CABYR: variants seen among roughly 807,000 people sequenced by gnomAD.
CABYR encodes the protein calcium-binding tyrosine phosphorylation-regulated protein.
CABYR carries 31 observed loss-of-function variants against 36.1 expected under a neutral mutation model. That is an observed-to-expected ratio of 0.86 (90% confidence interval 0.64 to 1.16). The LOEUF (loss-of-function observed/expected upper bound fraction) is 1.16. CABYR is among the 50% of genes most tolerant of loss of function. CABYR has a pLI of 0.00. For synonymous variants in CABYR, 146 were observed against 160.7 expected, an observed-to-expected ratio of 0.91 and a Z score of 0.69; for missense variants, 429 against 455.8, an observed-to-expected ratio of 0.94 and a Z score of 0.53.
chr18:24,159,418 T>C lies in CABYR; in HGVS notation c.542-54T>C, dbSNP rs184498760. 603 of 1,189,486 alleles carry C rather than the reference T, an allele frequency of 5.1e-4. 1 individual carries two copies. The African/African-American group carries it at 8.7e-3, about 17-fold the overall frequency. The allele number at this position is 1,189,486 out of a possible 1,614,324, so 73.7% of individuals were successfully genotyped here. A position where few individuals can be genotyped will look rare whatever the true frequency, so the allele number is the denominator to read the frequency against. On this transcript the variant is annotated intron_variant, in intron 4 of 5. Coordinates refer to ENST00000399496, the MANE Select transcript of CABYR (RefSeq NM_153769.3). Reference sequence around the variant, plus strand: ...AGACTTACAAAGACATTACTATGCATAGTGCCTGATACAGAGACCAAAACT... The same window carrying C: ...AGACTTACAAAGACATTACTATGCACAGTGCCTGATACAGAGACCAAAACT...
intron 3 of CABYR, among the ~76,000 whole-genome samples, chr18:24,154,748 AGGTGTGT>A (rs2085730400): frequency 6.6e-6 from 1 of 152,248 alleles, no homozygotes; most frequent in Non-Finnish European, 1.5e-5. Flanking sequence ...TAAGGTAGTT[AGGTGTGT>A]GGGTGATGCA....
chr18:24,155,931 C>G lies in CABYR; in HGVS notation c.430C>G (p.Pro144Ala). Residue 144 changes from proline (P) to alanine (A), a missense_variant, in exon 4 of 6, where the codon CCA (proline) becomes GCA (alanine). Coordinates refer to ENST00000399496, the MANE Select transcript of CABYR (RefSeq NM_153769.3). ...AGCAGTTGGTGGTCTTTCTTCCAAA[C>G]CAGCCACCCCTAAGACTACTACCCC... ...TEAVGGLSSK[P>A]ATPKTTTPPS... 3 of 1,614,162 alleles carry G rather than the reference C, an allele frequency of 1.9e-6. No homozygotes were observed. Among genetic ancestry groups the G allele is most frequent in the Non-Finnish European group, 2.5e-6 (3 of 1,180,034 alleles).
intron 1 of CABYR, chr18:24,139,863 A>G (rs2085259832): frequency 6.6e-6 from 1 of 151,918 alleles, no homozygotes; most frequent in African/African-American, 2.4e-5. Context: ...TGGTAGCACC[A>G]ACTGCTAACT....
chr18:24,147,272 A>AAAAAAAAAAAAAAAAAAAG (rs1555781278), intron 3 of CABYR, among the ~76,000 whole-genome samples: 1 of 137,460 alleles, frequency 7.3e-6, no homozygotes, highest in African/African-American at 2.7e-5. Flanking sequence ...AAAAAAAAAA[A>AAAAAAAAAAAAAAAAAAAG]GCCTATAGGC....
At chr18:24,146,490 A>T (rs1415220859) in intron 3 of CABYR, among the ~76,000 whole-genome samples, 2 of 152,146 alleles carry the variant, frequency 1.3e-5, no homozygotes, top group East Asian at 3.9e-4. Flanking sequence ...CAGAGGTTTC[A>T]GTGACCCAAG....
chr18:24,139,258 C>A (rs1047758892), intron 1 of CABYR, 140 bp downstream of exon 1: 7 of 151,944 alleles, frequency 4.6e-5, no homozygotes, highest in Admixed American at 4.6e-4. Context: ...GGGGCGGCCC[C>A]GGCCCACACC....
intron 3 of CABYR, among the ~76,000 whole-genome samples, chr18:24,154,150 C>T (rs1190769293): frequency 6.7e-6 from 1 of 149,244 alleles, no homozygotes; most frequent in Non-Finnish European, 1.5e-5. Context: ...CTCAGAACTC[C>T]AAGATCTTTA....
At chr18:24,152,361 A>G (rs572868469) in intron 3 of CABYR, among the ~76,000 whole-genome samples, 32 of 152,330 alleles carry the variant, frequency 2.1e-4, no homozygotes, top group Non-Finnish European at 4.4e-4. Flanking sequence ...GCAAGTGAGG[A>G]GGCCTGAAGC....
Position 24,155,687 on chromosome 18 carries a change from T to C in CABYR, c.200-14T>C, listed in dbSNP as rs2085761988. 6.5e-7 allele frequency: 1 copy of C among 1,540,264 alleles called. No individual in the cohort carries two copies. Among genetic ancestry groups the C allele is most frequent in the African/African-American group, 1.4e-5 (1 of 72,180 alleles). ...TTTAGATGTTAATTAACCCATCTGG[T>C]TGTTGTTTTTCAGTAGAGAAATGGT... On this transcript the variant is annotated splice_polypyrimidine_tract_variant and intron_variant, in intron 3 of 5. Coordinates refer to ENST00000399496, the MANE Select transcript of CABYR (RefSeq NM_153769.3).
At chr18:24,157,144 T>C (rs2085812021) in intron 4 of CABYR, 1 of 643,568 alleles carries the variant, frequency 1.6e-6, no homozygotes, top group Non-Finnish European at 2.7e-6. Context: ...TTAAAGACTT[T>C]GTTGTATTTG....
intron 3 of CABYR, among the ~76,000 whole-genome samples, chr18:24,145,437 T>C (rs988586376): frequency 6.6e-6 from 1 of 152,194 alleles, no homozygotes; most frequent in Admixed American, 6.5e-5. Context: ...TTTCAAATTC[T>C]TGTGCAGGGA....
chr18:24,150,913 G>C lies in CABYR; in HGVS notation c.200-4788G>C, dbSNP rs8085801. On this transcript the variant is annotated intron_variant, in intron 3 of 5. Transcript: ENST00000399496. ...TCCTGCCTCAGCCTCCCGAATAGCTGGGACTACAGGCGCCCGCCACCACGC... is the reference window on the plus strand; with the variant it reads ...TCCTGCCTCAGCCTCCCGAATAGCTCGGACTACAGGCGCCCGCCACCACGC... Among the ~76,000 whole-genome samples the C allele has an allele frequency of 3.2e-3, 490 of 151,920 alleles. 2 individuals are homozygous for C. Among genetic ancestry groups the C allele is most frequent in the African/African-American group, 0.012 (480 of 41,442 alleles).
intron 1 of CABYR, among the ~76,000 whole-genome samples, chr18:24,141,481 A>C (rs1042283016): frequency 6.6e-6 from 1 of 152,058 alleles, no homozygotes; most frequent in African/African-American, 2.4e-5. Flanking sequence ...CATACAACTG[A>C]TGTGTTTTTC....
chr18:24,155,072 T>C (rs183522333), intron 3 of CABYR, among the ~76,000 whole-genome samples: 2 of 152,350 alleles, frequency 1.3e-5, no homozygotes, highest in Admixed American at 6.5e-5. Context: ...TTTTCTTAAA[T>C]GGAGGAATGC....
intron 1 of CABYR, chr18:24,139,953 G>A (rs540193418): frequency 5.5e-5 from 8 of 145,410 alleles, no homozygotes; most frequent in Admixed American, 4.8e-4. Context: ...TTTTTGAGAC[G>A]GACTCTAGCT....
At chr18:24,149,247 T>G (rs1370042730) in intron 3 of CABYR, among the ~76,000 whole-genome samples, 1 of 150,558 alleles carries the variant, frequency 6.6e-6, no homozygotes, top group African/African-American at 2.5e-5. Flanking sequence ...AGATACAGAG[T>G]GCCGATTGGT....
chr18:24,156,542 A>T, intron 4 of CABYR: 1 of 1,614,232 alleles, frequency 6.2e-7, no homozygotes, highest in Non-Finnish European at 8.5e-7. Flanking sequence ...CCAAATCTGT[A>T]GTAGAAAAGA....
rs11320479 is a variant in CABYR at position 24,143,022 on chromosome 18, CAAA to C, written c.-24-51_-24-49del. Reference sequence around the variant, plus strand: ...CACTCCAGCCTGGGTGACAGAGTCTCAAAAAAAAAAAAAAAAAAAACCTATTTT... The same window carrying C: ...CACTCCAGCCTGGGTGACAGAGTCTCAAAAAAAAAAAAAAAAACCTATTTT... On this transcript the variant is annotated intron_variant, in intron 1 of 5. Coordinates refer to ENST00000399496, the MANE Select transcript of CABYR (RefSeq NM_153769.3). The C allele has an allele frequency of 7.6e-3, 5,242 of 693,670 alleles. 4 individuals carry two copies. The highest frequency in any genetic ancestry group is 0.023 in the African/African-American group (898 of 38,742). 43.0% of individuals were successfully genotyped at this position (693,670 alleles called of 1,614,324 possible). A position where few individuals can be genotyped will look rare whatever the true frequency, so the allele number is the denominator to read the frequency against.
At position 24,156,015 on chromosome 18, in the gene CABYR, C is replaced by G. The variant is rs1381618528; in HGVS notation, c.514C>G (p.Pro172Ala). ...SPEFAYVPAD[P>A]AQLAAQMLAM... ...AGAGTTTGCCTACGTCCCAGCTGAC[C>G]CAGCTCAGCTTGCTGCTCAGATGTT... Residue 172 changes from proline to alanine, a missense_variant, in exon 4 of 6, where the codon CCA becomes GCA. Transcript: ENST00000399496. 1.2e-6 allele frequency: 2 copies of G among 1,614,216 alleles called. No homozygotes were observed. The highest frequency in any genetic ancestry group is 3.3e-5 in the Admixed American group (2 of 60,028).
Sources: gnomAD v4.1 joint callset for allele counts (sites outside exome capture counted in the v4.1 genomes callset) on GRCh38, gnomAD v4.1.1 for gene constraint, MANE v1.5 for transcripts, NCBI Gene and HGNC (gene_info 2026-07-23, HGNC 2026-07-21) for gene names.